Variants in TTL observed in about 807,000 individuals in gnomAD.
TTL encodes the protein tubulin--tyrosine ligase.
TTL carries 10 observed loss-of-function variants against 41.1 expected under a neutral mutation model. The observed-to-expected ratio is 0.24, with a 90% CI of 0.15 to 0.41. The LOEUF (loss-of-function observed/expected upper bound fraction) is 0.41. TTL is among the 10% of genes least tolerant of loss of function. The pLI is 1.00. For missense variants in TTL, 367 were observed against 460.4 expected (o/e 0.80, Z 1.86); for synonymous variants, 175 against 175.5 (o/e 1.00, Z 0.02).
chr2:112,518,135 A>ATT (rs34617627), intron 5 of TTL, among the ~76,000 whole-genome samples: 7 of 135,930 alleles, frequency 5.1e-5, no homozygotes, highest in African/African-American at 1.3e-4. Flanking sequence ...CAGCCAACTA[A>ATT]TTTTTTTTTT....
intron 6 of TTL, among the ~76,000 whole-genome samples, chr2:112,522,837 T>A (rs1169003420): frequency 6.6e-6 from 1 of 152,080 alleles, no homozygotes; most frequent in Non-Finnish European, 1.5e-5. Context: ...TCCTTTGCCC[T>A]CCATTTGCAC....
At position 112,528,795 on chromosome 2, in the gene TTL, A is replaced by G. The variant is rs766555224; in HGVS notation, c.1134A>G (p.Ter378TrpextTer47). 6 of 1,612,488 alleles carry G rather than the reference A, an allele frequency of 3.7e-6. No homozygotes were observed. The highest frequency in any genetic ancestry group is 1.1e-5 in the South Asian group (1 of 91,038). Residue 378 changes from the stop codon to tryptophan (W), a stop_lost, in exon 7 of 7, where the codon TGA becomes TGG. Transcript: ENST00000233336. The stretch of plus-strand genomic sequence containing the variant: ...AGCCAGCTGCCTTCATCAAGCTGTG[A>G]CAGAGGGCACTCCCTGCTGCCTTGG... ...QTQPAAFIKL* is the reference protein window; with the variant it reads ...QTQPAAFIKLW
At chr2:112,524,019 C>T (rs1224718157) in intron 6 of TTL, among the ~76,000 whole-genome samples, 1 of 152,102 alleles carries the variant, frequency 6.6e-6, no homozygotes, top group African/African-American at 2.4e-5. Flanking sequence ...TGTTCAGTTC[C>T]CACCTATGAG....
At chr2:112,491,198 A>T (rs1681376718) in intron 2 of TTL, among the ~76,000 whole-genome samples, 2 of 151,910 alleles carry the variant, frequency 1.3e-5, no homozygotes, top group South Asian at 4.2e-4. Context: ...TCACCGCGTT[A>T]GCCAGGATGG....
rs1171433992 is a variant in TTL, at chr2:112,530,416, T to C, written c.*1621T>C. The C allele has an allele frequency of 4.3e-6, 1 of 230,490 alleles. No homozygotes were observed. The highest frequency in any genetic ancestry group is 2.2e-5 in the African/African-American group (1 of 45,184). 14.3% of individuals were successfully genotyped at this position (230,490 alleles called of 1,614,324 possible). A position where few individuals can be genotyped will look rare whatever the true frequency, so the allele number is the denominator to read the frequency against. On this transcript the variant is annotated 3_prime_UTR_variant, in exon 7 of 7. Coordinates refer to ENST00000233336, the MANE Select transcript of TTL (RefSeq NM_153712.5). ...TAAACGTCCTGGGGGTTACCCAGAA[T>C]ACAGATTTAAAAGTTTGCCTGTAGA...
chr2:112,530,060 G>A lies in TTL; in HGVS notation c.*1265G>A, dbSNP rs777052039. ...GCTGAGTAAACAGGCCCTTCCTAGA[G>A]TGTCCTGGAAATCACAGCAACCCAT... is the stretch of plus-strand genomic sequence containing the variant. On this transcript the variant is annotated 3_prime_UTR_variant, in exon 7 of 7. Transcript: ENST00000233336. 1.7e-5 allele frequency: 4 copies of A among 230,398 alleles called. No homozygotes were observed. Among genetic ancestry groups the A allele is most frequent in the Non-Finnish European group, 3.4e-5 (4 of 116,346 alleles). The allele number at this position is 230,398 out of a possible 1,614,324, so 14.3% of individuals were successfully genotyped here. A position where few individuals can be genotyped will look rare whatever the true frequency, so the allele number is the denominator to read the frequency against.
chr2:112,495,614 G>A (rs1051616438), intron 3 of TTL, among the ~76,000 whole-genome samples: 17 of 152,122 alleles, frequency 1.1e-4, no homozygotes, highest in Admixed American at 6.6e-4. Context: ...TTGGGAAGCC[G>A]AGGCGGGCGG....
chr2:112,519,268 G>T (rs1320452513), intron 5 of TTL, among the ~76,000 whole-genome samples: 1 of 152,138 alleles, frequency 6.6e-6, no homozygotes, highest in Non-Finnish European at 1.5e-5. Context: ...CTTCCTAGGT[G>T]CCAGGAGTTA....
chr2:112,482,451 G>T lies in TTL; in HGVS notation c.107G>T (p.Arg36Ile). 1.2e-6 allele frequency: 2 copies of T among 1,611,576 alleles called. No homozygotes were observed. Among genetic ancestry groups the T allele is most frequent in the South Asian group, 1.1e-5 (1 of 90,746 alleles). Residue 36 changes from arginine to isoleucine, a missense_variant, in exon 1 of 7, where the codon AGA becomes ATA. Arg to Ile is a moderately conservative substitution (Grantham distance 97). Transcript: ENST00000233336. This position sits in a 1 kb window ranked among gnomAD's most constrained non-coding sequence, Gnocchi z 5.3. ...HWKRLRRDNP[R>I]FNLMLGERNR... ...AAGAGGCTGCGGCGAGACAACCCCA[G>T]ATTCAACCTGATGCTGGGAGAGAGG...
intron 5 of TTL, among the ~76,000 whole-genome samples, chr2:112,511,585 G>A (rs1490291653): frequency 1.4e-5 from 2 of 147,400 alleles, no homozygotes; most frequent in African/African-American, 5.0e-5. Flanking sequence ...TCTTTTTTTT[G>A]AGATGGTCTG....
Position 112,529,003 on chromosome 2 carries a change from C to T in TTL, c.*208C>T, listed in dbSNP as rs768183656. On this transcript the variant is annotated 3_prime_UTR_variant, in exon 7 of 7. Transcript: ENST00000233336. ...TTCCCAGATGTAGCTCTCAGCAGTG[C>T]TGTTGAGACTTTTGAAAACAACTTT... The T allele has an allele frequency of 1.7e-6, 1 of 577,866 alleles. No individual in the cohort carries two copies. The highest frequency in any genetic ancestry group is 3.1e-6 in the Non-Finnish European group (1 of 322,850). 35.8% of individuals were successfully genotyped at this position (577,866 alleles called of 1,614,324 possible).
In TTL at chr2:112,497,840, C is replaced by T. The variant is rs544107382; in HGVS notation, c.470-3366C>T. ...TCAGCTATAAATCTAAAGCATAGAT[C>T]AGAAGATTCTAGCAAACTGAAACCA... is the stretch of plus-strand genomic sequence containing the variant. On this transcript the variant is annotated intron_variant, in intron 3 of 6. Coordinates refer to ENST00000233336, the MANE Select transcript of TTL (RefSeq NM_153712.5). Among the ~76,000 whole-genome samples, 250 of 152,262 alleles carry T rather than the reference C, an allele frequency of 1.6e-3. 5 individuals carry two copies. The highest frequency in any genetic ancestry group is 9.6e-3 in the Admixed American group (147 of 15,286).
chr2:112,532,025 G>C lies in TTL; in HGVS notation c.*3230G>C, dbSNP rs559108633. 1.3e-5 allele frequency: 3 copies of C among 228,560 alleles called. No homozygotes were observed. The highest frequency in any genetic ancestry group is 2.6e-5 in the Non-Finnish European group (3 of 115,142). 14.2% of individuals were successfully genotyped at this position (228,560 alleles called of 1,614,324 possible). A position where few individuals can be genotyped will look rare whatever the true frequency, so the allele number is the denominator to read the frequency against. ...CTCAGCATCTGTATGATATAGTGGA[G>C]CAGGTGCTGACATAGGTACCAGCTG... On this transcript the variant is annotated 3_prime_UTR_variant, in exon 7 of 7. Transcript: ENST00000233336.
rs1682585875 is a variant in TTL, at chr2:112,535,772, T to C, written c.*6977T>C. The stretch of plus-strand genomic sequence containing the variant: ...TTTTTTAAAAATCATGATCCAACTA[T>C]ATGCTATCTACAAAAAACACACTTC... On this transcript the variant is annotated 3_prime_UTR_variant, in exon 7 of 7. Transcript: ENST00000233336. 1 of 152,060 alleles carries C rather than the reference T, an allele frequency of 6.6e-6. No homozygotes were observed. The highest frequency in any genetic ancestry group is 2.1e-4 in the South Asian group (1 of 4,826). The allele number at this position is 152,060 out of a possible 1,614,324, so 9.4% of individuals were successfully genotyped here.
chr2:112,490,173 T>C (rs1021829442), intron 2 of TTL, among the ~76,000 whole-genome samples: 2 of 152,136 alleles, frequency 1.3e-5, no homozygotes, highest in African/African-American at 4.8e-5. Flanking sequence ...CCCAACACTT[T>C]CAGAGGCCAA....
chr2:112,523,327 ACTGT>A (rs901531163), intron 6 of TTL, among the ~76,000 whole-genome samples: 11 of 134,824 alleles, frequency 8.2e-5, no homozygotes, highest in Admixed American at 1.6e-4. Context: ...ATCAGAAGAA[ACTGT>A]CTGTGGGTGT....
At chr2:112,496,928 C>G (rs1258243523) in intron 3 of TTL, among the ~76,000 whole-genome samples, 1 of 151,976 alleles carries the variant, frequency 6.6e-6, no homozygotes, top group Non-Finnish European at 1.5e-5. Context: ...TCACGCCATT[C>G]TCCTGCCTCA....
rs1308279944 is a variant in TTL at position 112,540,982 on chromosome 2, A to G, written c.*12187A>G. 2.0e-5 allele frequency: 3 copies of G among 152,252 alleles called. No homozygotes were observed. The highest frequency in any genetic ancestry group is 4.4e-5 in the Non-Finnish European group (3 of 68,048). The allele number at this position is 152,252 out of a possible 1,614,324, so 9.4% of individuals were successfully genotyped here. A position where few individuals can be genotyped will look rare whatever the true frequency, so the allele number is the denominator to read the frequency against. ...TCAGCAATAATTTGTTGTACCTTCA[A>G]AAATAACTGAGGAAGTACAATTGGA... On this transcript the variant is annotated 3_prime_UTR_variant, in exon 7 of 7. Coordinates refer to ENST00000233336, the MANE Select transcript of TTL (RefSeq NM_153712.5).
At chr2:112,503,322 A>G (rs1681749824) in intron 5 of TTL, 141 bp downstream of exon 5, 2 of 660,380 alleles carry the variant, frequency 3.0e-6, no homozygotes, top group Non-Finnish European at 4.9e-6. Context: ...TTTCCTTTTA[A>G]TGTCTGCAGG....
Sources: gnomAD v4.1 joint callset for allele counts (sites outside exome capture counted in the v4.1 genomes callset) on GRCh38, gnomAD v4.1.1 for gene constraint, Gnocchi (gnomAD v3.1) non-coding constraint, MANE v1.5 for transcripts, NCBI Gene and HGNC (gene_info 2026-07-23, HGNC 2026-07-21) for gene names.